Variants in CDH13 observed in about 807,000 individuals in gnomAD.
CDH13 encodes the protein cadherin-13.
CDH13 carries 24 observed loss-of-function variants against 63.8 expected under a neutral mutation model. The observed-to-expected ratio is 0.38, with a 90% CI of 0.27 to 0.53. The LOEUF (loss-of-function observed/expected upper bound fraction) is 0.53. Ranked by LOEUF, CDH13 falls within the 20% of genes least tolerant of loss-of-function variation. CDH13 has a pLI of 0.85. For missense variants in CDH13, 1,049 were observed against 903.1 expected (o/e 1.16, Z -2.07); for synonymous variants, 503 against 355.3 (o/e 1.42, Z -4.67).
At chr16:83,609,214 G>A (rs936497868) in intron 8 of CDH13, among the ~76,000 whole-genome samples, 3 of 152,054 alleles carry the variant, frequency 2.0e-5, no homozygotes, top group South Asian at 2.1e-4. Context: ...ACACAAATTC[G>A]TAAACTTTCT....
intron 2 of CDH13, among the ~76,000 whole-genome samples, chr16:82,996,019 T>A (rs943776540): frequency 1.3e-5 from 2 of 152,188 alleles, no homozygotes; most frequent in African/African-American, 4.8e-5. Context: ...AGAGTTGCCA[T>A]CTTCCTGTTT....
intron 3 of CDH13, among the ~76,000 whole-genome samples, chr16:83,076,624 A>T (rs753107193): frequency 6.6e-6 from 1 of 151,656 alleles, no homozygotes; most frequent in African/African-American, 2.4e-5. Flanking sequence ...TTATATATAT[A>T]AATATACACA....
intron 2 of CDH13, among the ~76,000 whole-genome samples, chr16:82,975,423 G>A (rs1909362575): frequency 6.6e-6 from 1 of 152,170 alleles, no homozygotes; most frequent in South Asian, 2.1e-4. Context: ...TTCTGCAGCT[G>A]CCGTGTGACC....
chr16:83,540,384 A>C (rs571089009), intron 7 of CDH13, among the ~76,000 whole-genome samples: 4 of 152,188 alleles, frequency 2.6e-5, no homozygotes, highest in Admixed American at 2.6e-4. Flanking sequence ...GATTAGGTAC[A>C]TCTGAAGCCT....
intron 1 of CDH13, among the ~76,000 whole-genome samples, chr16:82,635,576 C>A (rs917182810): frequency 6.6e-6 from 1 of 152,138 alleles, no homozygotes; most frequent in Non-Finnish European, 1.5e-5. Flanking sequence ...GTGATGTGAT[C>A]AGATTTGCAT....
intron 5 of CDH13, among the ~76,000 whole-genome samples, chr16:83,271,435 A>T (rs1219512179): frequency 1.5e-5 from 2 of 130,672 alleles, no homozygotes; most frequent in Admixed American, 7.9e-5. Flanking sequence ...AAAAAAAAAA[A>T]AAAAAAAAAA....
intron 2 of CDH13, among the ~76,000 whole-genome samples, chr16:83,024,836 T>C (rs1179202052): frequency 2.0e-5 from 3 of 152,202 alleles, no homozygotes; most frequent in Non-Finnish European, 2.9e-5. Context: ...TCCTTTAATA[T>C]CGTTTTTCCT....
intron 1 of CDH13, among the ~76,000 whole-genome samples, chr16:82,746,345 A>G (rs1456064523): frequency 6.7e-6 from 1 of 149,384 alleles, no homozygotes; most frequent in Non-Finnish European, 1.5e-5. Context: ...AATAGAGATG[A>G]TAGTACTTTG....
chr16:83,542,702 G>A (rs2075316140), intron 7 of CDH13, among the ~76,000 whole-genome samples: 1 of 152,174 alleles, frequency 6.6e-6, no homozygotes, highest in Non-Finnish European at 1.5e-5. Context: ...TCTTTGGCTT[G>A]CAGAAGCATC....
At chr16:83,599,608 A>G (rs544878486) in intron 7 of CDH13, among the ~76,000 whole-genome samples, 7 of 152,228 alleles carry the variant, frequency 4.6e-5, no homozygotes, top group African/African-American at 9.6e-5. Context: ...TTTGAAAACC[A>G]CAAATAACCA....
intron 8 of CDH13, among the ~76,000 whole-genome samples, chr16:83,655,966 A>T (rs1026209406): frequency 2.6e-5 from 4 of 151,732 alleles, no homozygotes; most frequent in Admixed American, 6.6e-5. Context: ...GGGGTGGGAC[A>T]CAGAGAAATA....
At chr16:83,124,777 T>C (rs2035737263) in intron 3 of CDH13, among the ~76,000 whole-genome samples, 1 of 152,184 alleles carries the variant, frequency 6.6e-6, no homozygotes, top group Non-Finnish European at 1.5e-5. Context: ...ATTTATTGAA[T>C]AGAGCGTCAT....
At chr16:83,446,381 A>C (rs538534461) in intron 6 of CDH13, among the ~76,000 whole-genome samples, 27 of 152,274 alleles carry the variant, frequency 1.8e-4, no homozygotes, top group African/African-American at 6.5e-4. Flanking sequence ...GCCCTTAGGC[A>C]TAGATGGTCA....
intron 2 of CDH13, among the ~76,000 whole-genome samples, chr16:82,958,231 TA>T (rs1906421822): frequency 6.6e-6 from 1 of 152,164 alleles, no homozygotes; most frequent in African/African-American, 2.4e-5. Context: ...AATACCTACT[TA>T]ACAATTGTCC....
rs1326408434 is a variant in CDH13, at chr16:83,036,811, C to T, written c.366+4593C>T. On this transcript the variant is annotated intron_variant, in intron 3 of 13. Transcript: ENST00000567109. ...TCTCAGGCAGGAAATCTGCAGTTCC[C>T]GGAGATGATTTGGCTCCACCTCAAG... is the stretch of plus-strand genomic sequence containing the variant. 5.3e-5 allele frequency among the ~76,000 whole-genome samples: 8 copies of T among 152,134 alleles called. No homozygotes were observed. The South Asian group carries it at 6.2e-4, about 12-fold the overall frequency.
chr16:83,337,127 C>A (rs987901463), intron 5 of CDH13, among the ~76,000 whole-genome samples: 1 of 152,172 alleles, frequency 6.6e-6, no homozygotes, highest in African/African-American at 2.4e-5. Context: ...AAGCATTTTA[C>A]GTACAGCCAA....
At chr16:83,140,408 C>T (rs1289469952) in intron 4 of CDH13, among the ~76,000 whole-genome samples, 1 of 152,214 alleles carries the variant, frequency 6.6e-6, no homozygotes, top group Non-Finnish European at 1.5e-5. Context: ...TCTACTGCCT[C>T]TGCAGGGACC....
chr16:83,084,259 G>A (rs142659872), intron 3 of CDH13, among the ~76,000 whole-genome samples: 22 of 152,338 alleles, frequency 1.4e-4, no homozygotes, highest in African/African-American at 5.3e-4. Flanking sequence ...TTAGCAAGGG[G>A]TAGTCTGGAG....
chr16:83,084,977 T>C (rs2151570596), intron 3 of CDH13, among the ~76,000 whole-genome samples: 1 of 152,356 alleles, frequency 6.6e-6, no homozygotes, highest in South Asian at 2.1e-4. Context: ...GGTTCAACTA[T>C]TCAACAGTGC....
Sources: gnomAD v4.1 joint callset for allele counts (sites outside exome capture counted in the v4.1 genomes callset) on GRCh38, gnomAD v4.1.1 for gene constraint, MANE v1.5 for transcripts, NCBI Gene and HGNC (gene_info 2026-07-23, HGNC 2026-07-21) for gene names.